TMEM217: variants seen among roughly 807,000 people sequenced by gnomAD.
TMEM217 encodes chromosome 6 open reading frame 128.
For synonymous variants in TMEM217, 76 were observed against 88.3 expected (o/e 0.86, Z 0.78); for missense variants, 204 against 248.8 (o/e 0.82, Z 1.21).
intron 1 of TMEM217, among the ~76,000 whole-genome samples, chr6:37,246,090 C>A (rs1216881561): frequency 6.6e-6 from 1 of 152,198 alleles, no homozygotes; most frequent in African/African-American, 2.4e-5. Flanking sequence ...GCGTGAGCCA[C>A]TGCGCCCGGC....
chr6:37,233,507 G>A (rs1483911348), intron 1 of TMEM217, among the ~76,000 whole-genome samples: 2 of 152,208 alleles, frequency 1.3e-5, no homozygotes, highest in African/African-American at 4.8e-5. Flanking sequence ...GGAAGGGCAA[G>A]AGGCAGCTCT....
At position 37,218,676 on chromosome 6, in the gene TMEM217, A is replaced by AG; in HGVS notation, c.354dup (p.Phe119LeufsTer2). The AG allele has an allele frequency of 6.2e-7, 1 of 1,614,214 alleles. No homozygotes were observed. The highest frequency in any genetic ancestry group is 8.5e-7 in the Non-Finnish European group (1 of 1,180,044). On this transcript the variant is annotated frameshift_variant, in exon 2 of 2. Coordinates refer to ENST00000357219, the Ensembl canonical transcript of TMEM217. LOFTEE classifies it low-confidence loss of function (END_TRUNC). ...ATGATTCTGACCTCTTTAATGTCAA[A>AG]GTCATTGTTGGTGAGGATTTGTATT...
At chr6:37,241,872 G>A (rs542486150) in intron 1 of TMEM217, among the ~76,000 whole-genome samples, 2 of 152,212 alleles carry the variant, frequency 1.3e-5, no homozygotes, top group African/African-American at 4.8e-5. Flanking sequence ...GGCTTTGTAT[G>A]TAACCGTGTA....
At chr6:37,226,174 C>G (rs1320024833) in intron 1 of TMEM217, among the ~76,000 whole-genome samples, 1 of 151,068 alleles carries the variant, frequency 6.6e-6, no homozygotes, top group Non-Finnish European at 1.5e-5. Flanking sequence ...TTCACTGAGT[C>G]TATGCTTATT....
intron 1 of TMEM217, among the ~76,000 whole-genome samples, chr6:37,227,996 C>CATTT (rs1303341444): frequency 6.6e-6 from 1 of 152,114 alleles, no homozygotes; most frequent in African/African-American, 2.4e-5. Context: ...GAAAGTTTCA[C>CATTT]ATTTGCTCTA....
At chr6:37,250,717 G>C (rs962392295) in intron 1 of TMEM217, among the ~76,000 whole-genome samples, 4 of 152,206 alleles carry the variant, frequency 2.6e-5, no homozygotes, top group South Asian at 2.1e-4. Context: ...ACACACACGT[G>C]TATGTATGTG....
At chr6:37,221,092 C>T (rs1305083688) in intron 1 of TMEM217, among the ~76,000 whole-genome samples, 2 of 152,072 alleles carry the variant, frequency 1.3e-5, no homozygotes, top group African/African-American at 2.4e-5. Flanking sequence ...CATTAAGCAA[C>T]GAATTCCCAT....
intron 1 of TMEM217, among the ~76,000 whole-genome samples, chr6:37,226,279 GTCTT>G (rs1763823132): frequency 8.2e-6 from 1 of 121,258 alleles, no homozygotes; most frequent in South Asian, 2.8e-4. Flanking sequence ...TTTTGAGACA[GTCTT>G]TTTTTTTTTT....
chr6:37,238,011 G>A (rs1764582755), intron 1 of TMEM217, among the ~76,000 whole-genome samples: 1 of 151,940 alleles, frequency 6.6e-6, no homozygotes, highest in Non-Finnish European at 1.5e-5. Flanking sequence ...ATTTTATTTT[G>A]GACAGGGGAT....
At chr6:37,229,098 C>A (rs1764024825) in intron 1 of TMEM217, among the ~76,000 whole-genome samples, 1 of 152,006 alleles carries the variant, frequency 6.6e-6, no homozygotes, top group South Asian at 2.1e-4. Flanking sequence ...TCATAACAAT[C>A]TTGAGGATAG....
chr6:37,233,063 T>G (rs1764290787), intron 1 of TMEM217, among the ~76,000 whole-genome samples: 1 of 152,194 alleles, frequency 6.6e-6, no homozygotes, highest in Admixed American at 6.5e-5. Flanking sequence ...GGTCTTCAGT[T>G]TGGAGCTTTA....
At chr6:37,217,336 C>T (rs969688321), downstream of TMEM217, among the ~76,000 whole-genome samples, 5 of 152,178 alleles carry the variant, frequency 3.3e-5, no homozygotes, top group African/African-American at 1.2e-4. Flanking sequence ...GACCTGAATG[C>T]AAAGTGATGT....
chr6:37,225,948 C>A (rs1763797165), intron 1 of TMEM217, among the ~76,000 whole-genome samples: 1 of 152,216 alleles, frequency 6.6e-6, no homozygotes, highest in Non-Finnish European at 1.5e-5. Flanking sequence ...AGCCGTGGGT[C>A]ATTGCTACTT....
chr6:37,227,690 C>T (rs914623031), intron 1 of TMEM217, among the ~76,000 whole-genome samples: 3 of 151,938 alleles, frequency 2.0e-5, no homozygotes, highest in African/African-American at 4.8e-5. Flanking sequence ...GTGATCCACC[C>T]GCCTCAGCCT....
intron 1 of TMEM217, among the ~76,000 whole-genome samples, chr6:37,234,319 C>T (rs370336869): frequency 1.3e-5 from 2 of 152,248 alleles, no homozygotes; most frequent in South Asian, 4.2e-4. Context: ...AGGCTGGTCT[C>T]GAACTCCTGA....
chr6:37,242,293 G>A (rs924122304), intron 1 of TMEM217, among the ~76,000 whole-genome samples: 6 of 152,182 alleles, frequency 3.9e-5, no homozygotes, highest in Non-Finnish European at 7.3e-5. Context: ...CCCCCACGGT[G>A]GGCAGAACCT....
At chr6:37,215,571 A>G (rs553329520), downstream of TMEM217, among the ~76,000 whole-genome samples, 346 of 10,814 alleles carry the variant, frequency 0.032, 1 homozygote, top group Middle Eastern at 0.091. Context: ...ACTCTGTCTC[A>G]AAAAAAAAAA....
chr6:37,254,150 C>A (rs955892515), intron 1 of TMEM217, among the ~76,000 whole-genome samples: 1 of 152,182 alleles, frequency 6.6e-6, no homozygotes, highest in Non-Finnish European at 1.5e-5. Context: ...CACCTGGGAG[C>A]TTGTTAGAAA....
chr6:37,212,987 A>G (rs963875112), downstream of TMEM217: 12 of 1,540,546 alleles, frequency 7.8e-6, no homozygotes, highest in African/African-American at 1.5e-4. Context: ...TTGTTTTACC[A>G]GAGCACCTCC....
Sources: gnomAD v4.1 joint callset for allele counts (sites outside exome capture counted in the v4.1 genomes callset) on GRCh38, gnomAD v4.1.1 for gene constraint, MANE v1.5 for transcripts, NCBI Gene and HGNC (gene_info 2026-07-23, HGNC 2026-07-21) for gene names.